The following HSF2BP variants were observed in gnomAD, a reference collection of about 807,000 sequenced individuals.
HSF2BP encodes the protein heat shock transcription factor 2 binding protein.
Under a neutral mutation model 35.0 loss-of-function variants are expected in HSF2BP, and 35 were observed. The observed-to-expected ratio is 1.00, with a 90% CI of 0.76 to 1.32. The LOEUF (loss-of-function observed/expected upper bound fraction) is 1.32. Among genes scored for constraint, HSF2BP ranks in the 40% most tolerant of loss-of-function variants. The pLI, the probability that HSF2BP is intolerant of heterozygous loss-of-function variation, is 0.00. For missense variants in HSF2BP, 326 were observed against 321.7 expected (o/e 1.01, Z -0.10); for synonymous variants, 114 against 117.4 (o/e 0.97, Z 0.18).
At chr21:43,585,161 A>C (rs562307313) in intron 8 of HSF2BP, among the ~76,000 whole-genome samples, 1 of 152,066 alleles carries the variant, frequency 6.6e-6, no homozygotes, top group African/African-American at 2.4e-5. Context: ...TGTTGTAAAA[A>C]CTAGCCAAGT....
intron 7 of HSF2BP, among the ~76,000 whole-genome samples, chr21:43,606,171 C>T (rs1182197960): frequency 6.6e-6 from 1 of 152,124 alleles, no homozygotes; most frequent in Non-Finnish European, 1.5e-5. Flanking sequence ...CCGAGGTCTG[C>T]CTCCACCAGT....
intron 7 of HSF2BP, among the ~76,000 whole-genome samples, chr21:43,613,232 C>T (rs2082231329): frequency 6.6e-6 from 1 of 152,162 alleles, no homozygotes; most frequent in Non-Finnish European, 1.5e-5. Flanking sequence ...CTGTGAGAAG[C>T]AATGCAAGCT....
intron 7 of HSF2BP, among the ~76,000 whole-genome samples, chr21:43,605,038 CCCA>C (rs1226532657): frequency 1.4e-5 from 2 of 142,984 alleles, no homozygotes; most frequent in African/African-American, 2.6e-5. Context: ...ACACCACATA[CCCA>C]CCACACACAC....
At position 43,640,877 on chromosome 21, in the gene HSF2BP, C is replaced by T. The variant is rs150425417; in HGVS notation, c.291+3412G>A. Among the ~76,000 whole-genome samples, 549 of 150,768 alleles carry T rather than the reference C, an allele frequency of 3.6e-3. 5 individuals are homozygous for T. Among genetic ancestry groups the T allele is most frequent in the Non-Finnish European group, 4.8e-3 (328 of 67,768 alleles). On this transcript the variant is annotated intron_variant, in intron 4 of 8. Coordinates refer to ENST00000291560, the MANE Select transcript of HSF2BP (RefSeq NM_007031.2). ...ACAATGCAAAAAAATTTTTGTGGTACAAAATATACCTCAATAATGCTGTTT... is the reference window on the plus strand; with the variant it reads ...ACAATGCAAAAAAATTTTTGTGGTATAAAATATACCTCAATAATGCTGTTT...
At chr21:43,626,864 G>T (rs1301448635) in intron 6 of HSF2BP, among the ~76,000 whole-genome samples, 1 of 116,688 alleles carries the variant, frequency 8.6e-6, no homozygotes, top group Non-Finnish European at 1.8e-5. Context: ...TCTATACCAA[G>T]AAATTTTTTT....
intron 7 of HSF2BP, among the ~76,000 whole-genome samples, chr21:43,608,139 A>G (rs550145836): frequency 6.6e-6 from 1 of 151,662 alleles, no homozygotes; most frequent in South Asian, 2.1e-4. Context: ...AAAAAAAACT[A>G]TCAACAGAGT....
rs1267164915 is a variant in HSF2BP at position 43,659,455 on chromosome 21, C to A, written c.-294G>T. 4 of 329,980 alleles carry A rather than the reference C, an allele frequency of 1.2e-5. No individual in the cohort carries two copies. Among genetic ancestry groups the A allele is most frequent in the Non-Finnish European group, 1.9e-5 (4 of 205,524 alleles). The allele number at this position is 329,980 out of a possible 1,614,324, so 20.4% of individuals were successfully genotyped here. ...GGCGCCACGTGCACACGGGCTGGGCCGCTCCGCCAGCTGCCAGGGCCACTG... is the reference window on the plus strand; with the variant it reads ...GGCGCCACGTGCACACGGGCTGGGCAGCTCCGCCAGCTGCCAGGGCCACTG... On this transcript the variant is annotated 5_prime_UTR_variant, in exon 1 of 9. Coordinates refer to ENST00000291560, the MANE Select transcript of HSF2BP (RefSeq NM_007031.2). The surrounding 1 kb of genome is among the most constrained non-coding windows in gnomAD (Gnocchi z 4.2).
At chr21:43,604,521 CCCACACACACA>C (rs1568905173) in intron 7 of HSF2BP, among the ~76,000 whole-genome samples, 1 of 131,714 alleles carries the variant, frequency 7.6e-6, no homozygotes, top group African/African-American at 2.9e-5. Flanking sequence ...CTATACACAC[CCCACACACACA>C]CCACACACAC....
At chr21:43,617,332 G>A (rs1331117540) in intron 6 of HSF2BP, among the ~76,000 whole-genome samples, 3 of 151,706 alleles carry the variant, frequency 2.0e-5, no homozygotes, top group African/African-American at 7.3e-5. Flanking sequence ...TATTTTAACT[G>A]CAAATGCCAA....
chr21:43,575,417 A>G (rs983034068), intron 8 of HSF2BP, among the ~76,000 whole-genome samples: 3 of 152,228 alleles, frequency 2.0e-5, no homozygotes, highest in Admixed American at 2.0e-4. Flanking sequence ...ACTTGAGAAG[A>G]CACTGTAGCT....
intron 5 of HSF2BP, among the ~76,000 whole-genome samples, chr21:43,632,383 C>CA (rs2082489109): frequency 8.9e-6 from 1 of 112,900 alleles, no homozygotes; most frequent in Admixed American, 8.7e-5. Flanking sequence ...CACGCTCCCC[C>CA]CCCACACACA....
chr21:43,580,189 G>T (rs1242131515), intron 8 of HSF2BP, among the ~76,000 whole-genome samples: 1 of 152,144 alleles, frequency 6.6e-6, no homozygotes, highest in Non-Finnish European at 1.5e-5. Context: ...TAAGCTTCTT[G>T]TCTCCAACTA....
chr21:43,630,596 A>C, intron 5 of HSF2BP, 142 bp from the exon 6 acceptor site: 1 of 1,137,778 alleles, frequency 8.8e-7, no homozygotes, highest in Non-Finnish European at 1.2e-6. Context: ...TCCCATTAAA[A>C]GAACAGAGAA....
At chr21:43,624,565 G>A (rs868818007) in intron 6 of HSF2BP, among the ~76,000 whole-genome samples, 2 of 152,168 alleles carry the variant, frequency 1.3e-5, no homozygotes, top group South Asian at 4.1e-4. Flanking sequence ...AGCAGCCACG[G>A]TCACTGACAC....
At chr21:43,658,864 C>T (rs779590141) in intron 1 of HSF2BP, among the ~76,000 whole-genome samples, 2 of 152,200 alleles carry the variant, frequency 1.3e-5, no homozygotes, top group Non-Finnish European at 2.9e-5. Flanking sequence ...CCTCCACCCG[C>T]TCAACAGGCC....
intron 6 of HSF2BP, among the ~76,000 whole-genome samples, chr21:43,628,794 C>T (rs768087830): frequency 3.9e-5 from 6 of 152,140 alleles, no homozygotes; most frequent in Non-Finnish European, 7.4e-5. Flanking sequence ...GCCAATGGTG[C>T]GGGTGACTTT....
rs557470301 is a variant in HSF2BP, at chr21:43,604,438, C to A, written c.692+9392G>T. ...CACACCCCACACACCACACCACACA[C>A]ACACCACGCACACACCACACACACA... is the stretch of plus-strand genomic sequence containing the variant. On this transcript the variant is annotated intron_variant, in intron 7 of 8. Coordinates refer to ENST00000291560, the MANE Select transcript of HSF2BP (RefSeq NM_007031.2). Among the ~76,000 whole-genome samples, 5 of 141,898 alleles carry A rather than the reference C, an allele frequency of 3.5e-5. No individual in the cohort carries two copies. The East Asian group carries it at 1.1e-3, about 30-fold the overall frequency. The allele number at this position is 141,898 out of a possible 152,430, so 93.1% of individuals were successfully genotyped here. A position where few individuals can be genotyped will look rare whatever the true frequency, so the allele number is the denominator to read the frequency against.
chr21:43,656,010 A>G (rs1228966902), intron 3 of HSF2BP, among the ~76,000 whole-genome samples: 2 of 152,226 alleles, frequency 1.3e-5, no homozygotes, highest in Non-Finnish European at 2.9e-5. Flanking sequence ...GGCTGATTTA[A>G]TCATGATTTG....
chr21:43,600,658 T>C (rs1428168187), intron 7 of HSF2BP, among the ~76,000 whole-genome samples: 2 of 152,234 alleles, frequency 1.3e-5, no homozygotes, highest in Non-Finnish European at 2.9e-5. Flanking sequence ...CTATATCATG[T>C]CATCCTCAAA....
Sources: allele counts gnomAD v4.1 joint callset (sites outside exome capture counted in the v4.1 genomes callset), GRCh38; gene constraint gnomAD v4.1.1; non-coding constraint Gnocchi (gnomAD v3.1); transcripts MANE v1.5; gene names NCBI Gene and HGNC (gene_info 2026-07-23, HGNC 2026-07-21).